The following PIK3R6 variants were observed in gnomAD, a reference collection of about 807,000 sequenced individuals.
PIK3R6 encodes phosphoinositide 3-kinase regulatory subunit 6.
A neutral mutation model predicts 84.9 loss-of-function variants in PIK3R6; 91 were observed. The ratio of observed to expected loss-of-function variants is 1.07; its 90% CI spans 0.90 to 1.28. The LOEUF is 1.28. PIK3R6 is among the 50% of genes most tolerant of loss of function. The pLI is 0.00. For synonymous variants in PIK3R6, 416 were observed against 411.4 expected (o/e 1.01, Z -0.13); for missense variants, 996 against 985.1 (o/e 1.01, Z -0.15).
chr17:8,834,195 T>TATCTAAGAGAACGTTCCAAGCATAGGG (rs1318615090), intron 8 of PIK3R6, among the ~76,000 whole-genome samples: 1 of 144,066 alleles, frequency 6.9e-6, no homozygotes, highest in Non-Finnish European at 1.5e-5. Flanking sequence ...GTCGTGCAGG[T>TATCTAAGAGAACGTTCCAAGCATAGGG]ATCTAAGAGA....
intron 1 of PIK3R6, among the ~76,000 whole-genome samples, chr17:8,864,147 C>A (rs2089347892): frequency 6.6e-6 from 1 of 152,160 alleles, no homozygotes; most frequent in African/African-American, 2.4e-5. Flanking sequence ...AAGATACTGT[C>A]CATTCTAGGA....
At position 8,827,306 on chromosome 17, in the gene PIK3R6, G is replaced by C; in HGVS notation, c.1393-12C>G. 1 of 1,550,146 alleles carries C rather than the reference G, an allele frequency of 6.5e-7. No homozygotes were observed. The highest frequency in any genetic ancestry group is 1.2e-5 in the South Asian group (1 of 84,072). On this transcript the variant is annotated splice_polypyrimidine_tract_variant and intron_variant, in intron 12 of 19. Transcript: ENST00000619866. ...GATGCTGCAGGCTTCTGGGGGAAAG[G>C]GGATGGGGCAGACCCGTCAGGCCCT...
intron 2 of PIK3R6, among the ~76,000 whole-genome samples, chr17:8,840,215 T>C (rs2088626953): frequency 6.8e-6 from 1 of 147,220 alleles, no homozygotes; most frequent in South Asian, 2.1e-4. Flanking sequence ...CAAATATATA[T>C]ATGAAATATA....
Position 8,836,844 on chromosome 17 carries a change from C to G in PIK3R6, c.338G>C (p.Cys113Ser). The G allele has an allele frequency of 6.3e-7, 1 of 1,592,044 alleles. No homozygotes were observed. Among genetic ancestry groups the G allele is most frequent in the Non-Finnish European group, 8.6e-7 (1 of 1,169,052 alleles). ...TRLLTLPTPY[C>S]TVALDCAIRL... ...TATCGCGCAGTCCAAGGCGACTGTG[C>G]AGTAGGGGGTGGGCAGGGTCAGTAA... The change falls in exon 6 of 20, where the codon TGC becomes TCC. Residue 113 changes from cysteine (C) to serine (S), a missense_variant. Transcript: ENST00000619866.
Position 8,862,040 on chromosome 17 carries a change from A to G in PIK3R6, c.-92+5489T>C, listed in dbSNP as rs139172501. On this transcript the variant is annotated intron_variant, in intron 1 of 19. Transcript: ENST00000619866. The surrounding 1 kb of genome is among the most constrained non-coding windows in gnomAD (Gnocchi z 4.3). The stretch of plus-strand genomic sequence containing the variant: ...TGATAAGTGCTTCATTAAGATAGAA[A>G]GGGCATTAAATGTGTGGGTGCAAGA... Among the ~76,000 whole-genome samples, 7 of 152,322 alleles carry G rather than the reference A, an allele frequency of 4.6e-5. No homozygotes were observed. Among genetic ancestry groups the G allele is most frequent in the Non-Finnish European group, 1.0e-4 (7 of 68,024 alleles).
At chr17:8,834,029 G>C (rs1367370820) in intron 8 of PIK3R6, among the ~76,000 whole-genome samples, 2 of 151,594 alleles carry the variant, frequency 1.3e-5, no homozygotes, top group Admixed American at 1.3e-4. Flanking sequence ...GGTGGCCGGC[G>C]CCTGTAGTCC....
At chr17:8,832,781 G>A in intron 9 of PIK3R6, 108 bp downstream of exon 9, 1 of 1,537,482 alleles carries the variant, frequency 6.5e-7, no homozygotes, top group African/African-American at 1.4e-5. Context: ...GAGTCGGCCA[G>A]GCACCCAGAC....
intron 10 of PIK3R6, 142 bp from the exon 11 acceptor site, chr17:8,829,132 G>T: frequency 1.3e-6 from 1 of 796,666 alleles, no homozygotes; most frequent in Non-Finnish European, 1.9e-6. Context: ...CATGCACAGA[G>T]ACTCACACAC....
chr17:8,822,447 G>T lies in PIK3R6; in HGVS notation c.1788+140C>A, dbSNP rs2087769163. Reference sequence around the variant, plus strand: ...CCCATCCCTGCAAAACTCCCTGAAGGCTGGGGAACTCTGCGGGCAGCTTCA... The same window carrying T: ...CCCATCCCTGCAAAACTCCCTGAAGTCTGGGGAACTCTGCGGGCAGCTTCA... On this transcript the variant is annotated intron_variant, in intron 16 of 19. Transcript: ENST00000619866. 16 of 942,756 alleles carry T rather than the reference G, an allele frequency of 1.7e-5. No homozygotes were observed. The South Asian group carries it at 2.4e-4, about 14-fold the overall frequency. The allele number at this position is 942,756 out of a possible 1,614,324, so 58.4% of individuals were successfully genotyped here.
chr17:8,856,725 CA>C (rs2089150538), intron 1 of PIK3R6, among the ~76,000 whole-genome samples: 1 of 152,004 alleles, frequency 6.6e-6, no homozygotes. Flanking sequence ...CACTAAACTA[CA>C]AAAAAAGTGA....
chr17:8,863,597 C>G (rs575487462), intron 1 of PIK3R6, among the ~76,000 whole-genome samples: 2 of 151,832 alleles, frequency 1.3e-5, no homozygotes, highest in Non-Finnish European at 2.9e-5. Flanking sequence ...TGCAGTGGTG[C>G]GATCTCGGCT....
At chr17:8,830,332 T>A (rs1019492512) in intron 9 of PIK3R6, among the ~76,000 whole-genome samples, 5 of 152,204 alleles carry the variant, frequency 3.3e-5, no homozygotes, top group Admixed American at 2.6e-4. Context: ...AGGACAGCCC[T>A]TCTTCCTGCT....
At chr17:8,860,948 G>A (rs948350316) in intron 1 of PIK3R6, among the ~76,000 whole-genome samples, 6 of 152,196 alleles carry the variant, frequency 3.9e-5, no homozygotes, top group Non-Finnish European at 7.4e-5. Context: ...TGTAATCACA[G>A]CATTTTGGGA....
chr17:8,811,009 A>C (rs2087341668), intron 18 of PIK3R6, among the ~76,000 whole-genome samples: 1 of 149,110 alleles, frequency 6.7e-6, no homozygotes, highest in South Asian at 2.2e-4. Context: ...CTGCCCTAGC[A>C]GAGGTTTTCT....
intron 12 of PIK3R6, among the ~76,000 whole-genome samples, chr17:8,827,764 GAGAGAGAGAGAGAGAGA>G (rs2087986626): frequency 6.0e-4 from 3 of 5,000 alleles, no homozygotes; most frequent in African/African-American, 3.6e-3. Context: ...AGAGAGAGAG[GAGAGAGAGAGAGAGAGA>G]GAGAGAGAGA....
chr17:8,828,848 C>G lies in PIK3R6; in HGVS notation c.1032G>C (p.Arg344=). The G allele has an allele frequency of 6.3e-7, 1 of 1,596,112 alleles. No individual in the cohort carries two copies. Among genetic ancestry groups the G allele is most frequent in the African/African-American group, 1.3e-5 (1 of 74,414 alleles). The change falls in exon 11 of 20, where the codon CGG becomes CGC. Residue 344 remains arginine (R), a synonymous_variant. Coordinates refer to ENST00000619866, the MANE Select transcript of PIK3R6 (RefSeq NM_001010855.4). ...SVLSTDSGIE[R]DLPTGADELP... is the part of the protein sequence containing the mutation. The stretch of plus-strand genomic sequence containing the variant: ...GCTCATCAGCCCCCGTGGGAAGGTC[C>G]CGCTCAATGCCGCTGTCAGTGGACA...
At chr17:8,825,634 A>T (rs772922095) in intron 13 of PIK3R6, among the ~76,000 whole-genome samples, 7 of 152,242 alleles carry the variant, frequency 4.6e-5, no homozygotes, top group Non-Finnish European at 7.3e-5. Context: ...GCTTTAGGAC[A>T]ACTAGCTCAA....
chr17:8,821,687 C>T lies in PIK3R6; in HGVS notation c.1879+159G>A, dbSNP rs1490752314. Among the ~76,000 whole-genome samples the T allele has an allele frequency of 2.0e-5, 3 of 152,280 alleles. No homozygotes were observed. In the East Asian group the frequency reaches 5.8e-4, roughly 29 times the overall value. On this transcript the variant is annotated intron_variant, in intron 17 of 19. Transcript: ENST00000619866. Reference sequence around the variant, plus strand: ...GTGGCCAGTGCTAGAGTCTGGGTGACCCGACAGCAAGCAACTTGAAGGCAG... The same window carrying T: ...GTGGCCAGTGCTAGAGTCTGGGTGATCCGACAGCAAGCAACTTGAAGGCAG...
At chr17:8,851,375 A>G (rs1230148336) in intron 1 of PIK3R6, among the ~76,000 whole-genome samples, 1 of 151,230 alleles carries the variant, frequency 6.6e-6, no homozygotes, top group Non-Finnish European at 1.5e-5. Flanking sequence ...GGGCGCCTGT[A>G]GTCCCAGCTA....
Sources: allele counts gnomAD v4.1 joint callset (sites outside exome capture counted in the v4.1 genomes callset), GRCh38; gene constraint gnomAD v4.1.1; non-coding constraint Gnocchi (gnomAD v3.1); transcripts MANE v1.5; gene names NCBI Gene and HGNC (gene_info 2026-07-23, HGNC 2026-07-21).